Variants in ITPR1 observed in about 807,000 individuals in gnomAD.
ITPR1 encodes inositol 1,4,5-trisphosphate receptor type 1.
Under a neutral mutation model 318.4 loss-of-function variants are expected in ITPR1, and 96 were observed. That is an observed-to-expected ratio of 0.30 (90% confidence interval 0.26 to 0.36). The LOEUF (loss-of-function observed/expected upper bound fraction) is 0.36. Ranked by LOEUF, ITPR1 falls within the 10% of genes least tolerant of loss-of-function variation. The probability of loss-of-function intolerance (pLI) is 1.00; values close to 1 mark genes in which losing one functional copy is unlikely to be tolerated. For missense variants in ITPR1, 2,440 were observed against 3,460.2 expected (o/e 0.71, Z 7.40); for synonymous variants, 1,312 against 1,289.9 (o/e 1.02, Z -0.37).
intron 55 of ITPR1, among the ~76,000 whole-genome samples, chr3:4,810,489 G>A (rs2048864731): frequency 6.6e-6 from 1 of 152,186 alleles, no homozygotes; most frequent in Admixed American, 6.5e-5. Context: ...GGATTGTGAA[G>A]GCACTGTGAC....
chr3:4,766,839 C>A, intron 45 of ITPR1, 129 bp downstream of exon 45: 1 of 687,114 alleles, frequency 1.5e-6, no homozygotes, highest in Non-Finnish European at 2.3e-6. Context: ...GAAATGCCAG[C>A]CTGGTTATGA....
chr3:4,831,971 A>G (rs919662426), intron 60 of ITPR1, among the ~76,000 whole-genome samples: 1 of 152,234 alleles, frequency 6.6e-6, no homozygotes, highest in East Asian at 1.9e-4. Flanking sequence ...AGCCTGTCCT[A>G]CTGCACAGGA....
chr3:4,713,454 A>G (rs2041530754), intron 39 of ITPR1, among the ~76,000 whole-genome samples: 1 of 152,140 alleles, frequency 6.6e-6, no homozygotes, highest in Non-Finnish European at 1.5e-5. Flanking sequence ...TCTTTTTATA[A>G]CCTGGAACGT....
intron 61 of ITPR1, among the ~76,000 whole-genome samples, chr3:4,845,559 AC>A (rs886530760): frequency 6.6e-6 from 1 of 152,212 alleles, no homozygotes; most frequent in Non-Finnish European, 1.5e-5. Flanking sequence ...AGAAATAGAT[AC>A]CGTGAATGGT....
chr3:4,514,171 C>T (rs181514734), intron 2 of ITPR1, among the ~76,000 whole-genome samples: 3 of 152,096 alleles, frequency 2.0e-5, no homozygotes, highest in Admixed American at 1.3e-4. Context: ...GGGGATCTTA[C>T]CTCTCTGTAT....
In ITPR1 at chr3:4,836,951, C is replaced by T; in HGVS notation, c.8190+16C>T. 6.4e-7 allele frequency: 1 copy of T among 1,559,778 alleles called. No individual in the cohort carries two copies. The highest frequency in any genetic ancestry group is 8.8e-7 in the Non-Finnish European group (1 of 1,141,346). ...AAAGGATCAGGTAAAGAAAGAAAAT[C>T]CCAGCGCCTACCCTCCCATCACTAT... On this transcript the variant is annotated intron_variant, in intron 61 of 61. Transcript: ENST00000649015.
intron 4 of ITPR1, among the ~76,000 whole-genome samples, chr3:4,610,228 G>A (rs1037431610): frequency 6.6e-6 from 1 of 152,120 alleles, no homozygotes; most frequent in African/African-American, 2.4e-5. Context: ...ATCTCTACCT[G>A]GGCTGGGTTA....
intron 4 of ITPR1, among the ~76,000 whole-genome samples, chr3:4,551,551 C>G (rs1403086652): frequency 1.3e-5 from 2 of 152,196 alleles, no homozygotes; most frequent in Non-Finnish European, 2.9e-5. Context: ...GTAGCTGTTT[C>G]AGGGCTGACG....
chr3:4,667,555 G>T lies in ITPR1; in HGVS notation c.1886+6G>T. ...CGAAAGAACAGGGAGCCCAGGTGAG[G>T]CGGGAGTGGGGTCCATGCAGGATGG... On this transcript the variant is annotated splice_donor_region_variant and intron_variant, in intron 18 of 61. Transcript: ENST00000649015. 2 of 1,611,512 alleles carry T rather than the reference G, an allele frequency of 1.2e-6. No individual in the cohort carries two copies.
chr3:4,644,788 C>A (rs1369334789), intron 8 of ITPR1, among the ~76,000 whole-genome samples: 1 of 152,174 alleles, frequency 6.6e-6, no homozygotes, highest in Non-Finnish European at 1.5e-5. Flanking sequence ...ATCCTGTCTG[C>A]CTTTCCAAGC....
chr3:4,558,591 C>CT (rs1484054075), intron 4 of ITPR1, among the ~76,000 whole-genome samples: 1 of 152,034 alleles, frequency 6.6e-6, no homozygotes, highest in African/African-American at 2.4e-5. Context: ...AAAGGGACTA[C>CT]TTTTTTAAAA....
Position 4,570,853 on chromosome 3 carries a change from A to G in ITPR1, c.163+49759A>G, listed in dbSNP as rs75255950. ...ATGATGCATCAGTTATCTTTGACAC[A>G]TAGCAGTTCCAAAACCTCAGGCAGA... On this transcript the variant is annotated intron_variant, in intron 4 of 61. Transcript: ENST00000649015. Among the ~76,000 whole-genome samples, 1,408 of 152,346 alleles carry G rather than the reference A, an allele frequency of 9.2e-3. 20 individuals carry two copies. The highest frequency in any genetic ancestry group is 0.032 in the African/African-American group (1,324 of 41,574).
chr3:4,813,148 G>T lies in ITPR1; in HGVS notation c.7475G>T (p.Gly2492Val). The T allele has an allele frequency of 6.2e-7, 1 of 1,613,922 alleles. No homozygotes were observed. Among genetic ancestry groups the T allele is most frequent in the Non-Finnish European group, 8.5e-7 (1 of 1,179,846 alleles). Residue 2492 changes from glycine (G) to valine (V), a missense_variant, in exon 57 of 62, where the codon GGC becomes GTC. By Grantham distance (109) the Gly-to-Val change is moderately radical. Transcript: ENST00000649015. ...LPNETAVPET[G>V]ESLASEFLFS... Reference sequence around the variant, plus strand: ...ATTTCCTTCTCTCTCCCAGAAACCGGCGAGAGTTTGGCAAGCGAGTTCCTG... The same window carrying T: ...ATTTCCTTCTCTCTCCCAGAAACCGTCGAGAGTTTGGCAAGCGAGTTCCTG...
rs115312787 is a variant in ITPR1, at chr3:4,806,477, G to A, written c.7272+210G>A. Among the ~76,000 whole-genome samples the A allele has an allele frequency of 2.8e-3, 430 of 152,262 alleles. 5 individuals are homozygous for A. Among genetic ancestry groups the A allele is most frequent in the African/African-American group, 9.8e-3 (405 of 41,534 alleles). On this transcript the variant is annotated intron_variant, in intron 55 of 61. Coordinates refer to ENST00000649015, the MANE Select transcript of ITPR1 (RefSeq NM_001378452.1). ...CCAGGAATTCAAGAGTCACACAACCGCACTGTGTACTGGGCACTCCCGATC... is the reference window on the plus strand; with the variant it reads ...CCAGGAATTCAAGAGTCACACAACCACACTGTGTACTGGGCACTCCCGATC...
chr3:4,494,606 G>C (rs577395390), intron 2 of ITPR1, 100 bp downstream of exon 2: 1 of 152,366 alleles, frequency 6.6e-6, no homozygotes, highest in Non-Finnish European at 1.5e-5. Context: ...GAGTAAGAAA[G>C]AAAAAGAAAC....
At chr3:4,674,421 G>A (rs1295147730) in intron 22 of ITPR1, 78 bp downstream of exon 22, 2 of 1,246,004 alleles carry the variant, frequency 1.6e-6, no homozygotes, top group Non-Finnish European at 2.2e-6. Flanking sequence ...TAGAAAATAT[G>A]TGAGTAGGTT....
chr3:4,637,178 A>G (rs776525776), intron 5 of ITPR1, among the ~76,000 whole-genome samples: 37 of 152,236 alleles, frequency 2.4e-4, no homozygotes, highest in Non-Finnish European at 4.4e-5. Flanking sequence ...GGAAAATGTT[A>G]TATTTTATTT....
At chr3:4,578,498 G>A (rs2088932013) in intron 4 of ITPR1, among the ~76,000 whole-genome samples, 2 of 151,912 alleles carry the variant, frequency 1.3e-5, no homozygotes, top group Admixed American at 6.6e-5. Context: ...GTGTGTGTGT[G>A]CATATACATA....
intron 40 of ITPR1, 85 bp downstream of exon 40, chr3:4,717,484 C>CT (rs1187087095): frequency 4.6e-6 from 5 of 1,078,426 alleles, no homozygotes; most frequent in African/African-American, 4.6e-5. Context: ...GATCCTTCCT[C>CT]TAGTCTCACA....
Sources: gnomAD v4.1 joint callset for allele counts (sites outside exome capture counted in the v4.1 genomes callset) on GRCh38, gnomAD v4.1.1 for gene constraint, MANE v1.5 for transcripts, NCBI Gene and HGNC (gene_info 2026-07-23, HGNC 2026-07-21) for gene names.